Variants in SLC6A5 observed in about 807,000 individuals in gnomAD.
SLC6A5 encodes solute carrier family 6 member 5, also known as sodium- and chloride-dependent glycine transporter 2.
A neutral mutation model predicts 90.5 loss-of-function variants in SLC6A5; 58 were observed. That is an observed-to-expected ratio of 0.64 (90% CI 0.52 to 0.80). The LOEUF (loss-of-function observed/expected upper bound fraction) is 0.80. SLC6A5 is among the 30% of genes least tolerant of loss of function. The pLI, the probability that SLC6A5 is intolerant of heterozygous loss-of-function variation, is 0.00. For missense variants in SLC6A5, 1,015 were observed against 1,017.6 expected (o/e 1.00, Z 0.03); for synonymous variants, 427 against 401.4 (o/e 1.06, Z -0.76).
At position 20,601,160 on chromosome 11, in the gene SLC6A5, T is replaced by C. The variant is rs1852463620; in HGVS notation, c.35T>C (p.Leu12Pro). 2 of 1,590,992 alleles carry C rather than the reference T, an allele frequency of 1.3e-6. No homozygotes were observed. Among genetic ancestry groups the C allele is most frequent in the East Asian group, 2.2e-5 (1 of 44,638 alleles). Residue 12 changes from leucine (L) to proline (P), a missense_variant, in exon 2 of 16, where the codon CTG (leucine) becomes CCG (proline). Coordinates refer to ENST00000525748, the MANE Select transcript of SLC6A5 (RefSeq NM_004211.5). The part of the protein sequence containing the change: ...DCSAPKEMNK[L>P]PANSPEAAAA... ...AGTGCTCCCAAGGAAATGAATAAAC[T>C]GCCAGCCAACAGCCCGGAGGCGGCG...
chr11:20,640,398 G>A (rs1460144473), intron 13 of SLC6A5, among the ~76,000 whole-genome samples: 3 of 152,056 alleles, frequency 2.0e-5, no homozygotes, highest in Non-Finnish European at 4.4e-5. Context: ...AGTCTCCCCC[G>A]CATCCCCATA....
At chr11:20,641,927 G>T (rs908768967) in intron 13 of SLC6A5, among the ~76,000 whole-genome samples, 1 of 151,998 alleles carries the variant, frequency 6.6e-6, no homozygotes, top group Non-Finnish European at 1.5e-5. Flanking sequence ...GGTCAGAGTA[G>T]TCAGAAAATC....
intron 5 of SLC6A5, among the ~76,000 whole-genome samples, chr11:20,609,499 G>A (rs976817806): frequency 7.2e-5 from 11 of 152,206 alleles, no homozygotes; most frequent in Non-Finnish European, 1.5e-4. Flanking sequence ...TGCTCTGCTG[G>A]ACAAATCAGG....
intron 10 of SLC6A5, among the ~76,000 whole-genome samples, chr11:20,631,058 C>T (rs558267745): frequency 6.6e-6 from 1 of 152,318 alleles, no homozygotes; most frequent in East Asian, 1.9e-4. Context: ...CCTTGCCTCT[C>T]CTTCCTCTTA....
At chr11:20,616,072 C>T (rs1340364024) in intron 6 of SLC6A5, among the ~76,000 whole-genome samples, 1 of 152,180 alleles carries the variant, frequency 6.6e-6, no homozygotes, top group African/African-American at 2.4e-5. Context: ...AATGAGCCTC[C>T]AGTTTGTGGC....
intron 2 of SLC6A5, among the ~76,000 whole-genome samples, chr11:20,601,978 A>T (rs543742301): frequency 1.2e-4 from 18 of 152,386 alleles, no homozygotes; most frequent in African/African-American, 3.8e-4. Flanking sequence ...TTATGCAGAC[A>T]GACTCCCTCT....
chr11:20,650,701 C>A (rs1207557936), intron 14 of SLC6A5, among the ~76,000 whole-genome samples: 2 of 123,256 alleles, frequency 1.6e-5, no homozygotes, highest in Non-Finnish European at 3.2e-5. Flanking sequence ...GAGTCTCGCT[C>A]TGTCGCCCAG....
rs916225331 is a variant in SLC6A5 at position 20,604,224 on chromosome 11, G to A, written c.541-62G>A. ...AGGACCCCTAGCGGGGGGGAGGGTG[G>A]AAGGGGCCTGCTTGTGGACCTACTC... On this transcript the variant is annotated intron_variant, in intron 2 of 15. Coordinates refer to ENST00000525748, the MANE Select transcript of SLC6A5 (RefSeq NM_004211.5). 7 of 1,548,736 alleles carry A rather than the reference G, an allele frequency of 4.5e-6. No individual in the cohort carries two copies. In the Admixed American group the frequency reaches 1.1e-4, roughly 24 times the overall value.
intron 13 of SLC6A5, among the ~76,000 whole-genome samples, chr11:20,643,716 G>C (rs999967418): frequency 6.6e-6 from 1 of 152,216 alleles, no homozygotes; most frequent in Non-Finnish European, 1.5e-5. Context: ...AGGAAGCTCA[G>C]CTGCAACCTA....
chr11:20,649,575 C>T (rs1853484058), intron 14 of SLC6A5, among the ~76,000 whole-genome samples: 1 of 152,006 alleles, frequency 6.6e-6, no homozygotes, highest in South Asian at 2.1e-4. Flanking sequence ...TGCCATTTGC[C>T]CTTCTATAAA....
intron 7 of SLC6A5, among the ~76,000 whole-genome samples, chr11:20,620,691 GGTAGA>G (rs1327154070): frequency 2.0e-5 from 3 of 152,232 alleles, no homozygotes; most frequent in Admixed American, 1.3e-4. Flanking sequence ...GGCTTGTCAA[GGTAGA>G]GTAAATTGCC....
chr11:20,635,416 G>A (rs543518409), intron 10 of SLC6A5, among the ~76,000 whole-genome samples: 2 of 151,806 alleles, frequency 1.3e-5, no homozygotes, highest in Non-Finnish European at 2.9e-5. Flanking sequence ...CCCGCAACCC[G>A]ACTAACTACT....
rs1434282959 is a variant in SLC6A5, at chr11:20,656,399, T to C, written c.*1531T>C. On this transcript the variant is annotated 3_prime_UTR_variant, in exon 16 of 16. Coordinates refer to ENST00000525748, the MANE Select transcript of SLC6A5 (RefSeq NM_004211.5). ...ATTTCAATCATTTTCTTCATTTATC[T>C]TCATAGTACAGGGTCTCAGGCAAAG... is the stretch of plus-strand genomic sequence containing the variant. 6.6e-6 allele frequency: 1 copy of C among 152,218 alleles called. No homozygotes were observed. Among genetic ancestry groups the C allele is most frequent in the Non-Finnish European group, 1.5e-5 (1 of 68,040 alleles). 9.4% of individuals were successfully genotyped at this position (152,218 alleles called of 1,614,324 possible). A position where few individuals can be genotyped will look rare whatever the true frequency, so the allele number is the denominator to read the frequency against.
At chr11:20,640,699 A>T (rs1590177266) in intron 13 of SLC6A5, among the ~76,000 whole-genome samples, 1 of 1,136 alleles carries the variant, frequency 8.8e-4, no homozygotes, top group Non-Finnish European at 0.038. Flanking sequence ...GTTTGAGGTA[A>T]AAAAAAAAAA....
chr11:20,617,980 G>T, intron 7 of SLC6A5, 96 bp downstream of exon 7: 1 of 1,274,686 alleles, frequency 7.8e-7, no homozygotes. Context: ...GTCAGGAGCT[G>T]TGGATGCTAA....
In SLC6A5 at chr11:20,637,210, C is replaced by T. The variant is rs376668924; in HGVS notation, c.1776C>T (p.Asp592=). The T allele has an allele frequency of 1.2e-5, 20 of 1,613,648 alleles. No individual in the cohort carries two copies. Among genetic ancestry groups the T allele is most frequent in the African/African-American group, 6.7e-5 (5 of 74,846 alleles). ...AGACCATAGTGACCTCCATCTCAGA[C>T]GAGTTTCCCAAGTACCTACGCACAC... ...TIETIVTSIS[D]EFPKYLRTHK... Residue 592 remains aspartate (D), a synonymous_variant, in exon 12 of 16, where the codon GAC becomes GAT. Transcript: ENST00000525748.
At chr11:20,654,620 G>T (rs1429450115) in intron 15 of SLC6A5, 93 bp from the exon 16 acceptor site, 2 of 1,266,038 alleles carry the variant, frequency 1.6e-6, no homozygotes, top group African/African-American at 1.5e-5. Flanking sequence ...TCTGGTCAAA[G>T]TGGTCATAAG....
intron 12 of SLC6A5, 93 bp from the exon 13 acceptor site, chr11:20,638,366 T>G (rs1331356735): frequency 6.1e-6 from 5 of 814,004 alleles, no homozygotes; most frequent in East Asian, 5.0e-5. Flanking sequence ...CACCTGACTC[T>G]TTTTAGGATT....
chr11:20,634,704 C>T (rs1163321715), intron 10 of SLC6A5, among the ~76,000 whole-genome samples: 1 of 152,148 alleles, frequency 6.6e-6, no homozygotes, highest in Non-Finnish European at 1.5e-5. Context: ...ATGCGTAAAG[C>T]GGGGGTATTT....
Sources: gnomAD v4.1 joint callset for allele counts (sites outside exome capture counted in the v4.1 genomes callset) on GRCh38, gnomAD v4.1.1 for gene constraint, MANE v1.5 for transcripts, NCBI Gene and HGNC (gene_info 2026-07-23, HGNC 2026-07-21) for gene names.